RAP1A: variants seen among roughly 807,000 people sequenced by gnomAD.
RAP1A encodes RAP1A, member of RAS oncogene family.
A neutral mutation model predicts 26.4 loss-of-function variants in RAP1A; 6 were observed. The observed-to-expected ratio is 0.23, with a 90% CI of 0.12 to 0.45. The LOEUF (loss-of-function observed/expected upper bound fraction) is 0.45. Ranked by LOEUF, RAP1A falls within the 20% of genes least tolerant of loss-of-function variation. The pLI, the probability that RAP1A is intolerant of heterozygous loss-of-function variation, is 0.99. For missense variants in RAP1A, 121 were observed against 217.2 expected (o/e 0.56, Z 2.78); for synonymous variants, 73 against 79.4 (o/e 0.92, Z 0.43).
At chr1:111,706,900 A>G (rs144502310) in intron 6 of RAP1A, 6,076 of 225,718 alleles carry the variant, frequency 0.027, 93 homozygotes, top group South Asian at 0.07. Context: ...ACTACTTGTA[A>G]TTTTTATTAA....
intron 1 of RAP1A, among the ~76,000 whole-genome samples, chr1:111,571,646 T>C (rs928363226): frequency 1.3e-5 from 2 of 152,220 alleles, no homozygotes; most frequent in Non-Finnish European, 2.9e-5. Context: ...ATTAAACATG[T>C]ATCAGTTAAT....
intron 6 of RAP1A, among the ~76,000 whole-genome samples, chr1:111,707,717 CATT>C (rs1413721461): frequency 5.3e-5 from 8 of 152,128 alleles, no homozygotes; most frequent in Non-Finnish European, 1.2e-4. Flanking sequence ...TATTCCAAAT[CATT>C]AGTAAGTGTT....
chr1:111,686,378 CCTTA>C (rs1372189790), intron 1 of RAP1A, among the ~76,000 whole-genome samples: 4 of 152,200 alleles, frequency 2.6e-5, no homozygotes, highest in South Asian at 2.1e-4. Context: ...GCGTCTTGAG[CCTTA>C]CTTAATGGCC....
intron 1 of RAP1A, among the ~76,000 whole-genome samples, chr1:111,609,186 C>G (rs515150): frequency 0.88 from 133,788 of 152,164 alleles, 59,158 homozygotes; most frequent in African/African-American, 0.97. Flanking sequence ...TGTCTGTCAA[C>G]GATGCACATG....
intron 1 of RAP1A, among the ~76,000 whole-genome samples, chr1:111,550,699 T>C (rs1557845931): frequency 6.6e-6 from 1 of 152,240 alleles, no homozygotes; most frequent in East Asian, 1.9e-4. Flanking sequence ...TCTCACTATG[T>C]TGCCCAGCAG....
intron 1 of RAP1A, among the ~76,000 whole-genome samples, chr1:111,610,552 A>G (rs901407879): frequency 6.7e-6 from 1 of 150,088 alleles, no homozygotes; most frequent in Non-Finnish European, 1.5e-5. Context: ...ACACACACAC[A>G]CACACACACA....
chr1:111,620,664 C>T (rs1463329520), intron 1 of RAP1A, among the ~76,000 whole-genome samples: 2 of 152,200 alleles, frequency 1.3e-5, no homozygotes, highest in East Asian at 1.9e-4. Flanking sequence ...TCATGTCTTC[C>T]GTAGCTTACC....
intron 6 of RAP1A, 23 bp from the exon 7 acceptor site, chr1:111,709,126 C>CT (rs1397799615): frequency 1.9e-6 from 3 of 1,599,750 alleles, no homozygotes; most frequent in East Asian, 2.2e-5. Context: ...GGAGTAAGTA[C>CT]TTTTTTTCTT....
chr1:111,639,152 T>C (rs1659815705), intron 1 of RAP1A, among the ~76,000 whole-genome samples: 2 of 152,192 alleles, frequency 1.3e-5, no homozygotes, highest in Non-Finnish European at 2.9e-5. Flanking sequence ...TTTTTTACAT[T>C]TCTGGTAATG....
At chr1:111,552,755 C>T (rs533261163) in intron 1 of RAP1A, among the ~76,000 whole-genome samples, 1 of 152,252 alleles carries the variant, frequency 6.6e-6, no homozygotes, top group Admixed American at 6.5e-5. Flanking sequence ...ACATGCATGA[C>T]CTGGAGCAAG....
At chr1:111,623,652 G>T (rs182824387) in intron 1 of RAP1A, among the ~76,000 whole-genome samples, 4 of 152,046 alleles carry the variant, frequency 2.6e-5, no homozygotes, top group Non-Finnish European at 5.9e-5. Flanking sequence ...CTCATGATCC[G>T]CCCGCCTCAG....
At chr1:111,661,936 T>C (rs560095443) in intron 1 of RAP1A, among the ~76,000 whole-genome samples, 50 of 148,666 alleles carry the variant, frequency 3.4e-4, no homozygotes, top group Non-Finnish European at 2.1e-4. Context: ...GTTATGTATC[T>C]TTTTTTGTGT....
chr1:111,648,174 AGTGTGTGTGTGTGT>A (rs143658994), intron 1 of RAP1A: 11 of 230,942 alleles, frequency 4.8e-5, no homozygotes, highest in East Asian at 3.4e-4. Context: ...AGGTTCAAAC[AGTGTGTGTGTGTGT>A]GTGTGTGTGT....
chr1:111,690,459 T>C (rs187704064), intron 1 of RAP1A, among the ~76,000 whole-genome samples: 2 of 152,390 alleles, frequency 1.3e-5, no homozygotes, highest in East Asian at 3.9e-4. Flanking sequence ...CAAGCTCTGC[T>C]TGAGTTCTTT....
intron 1 of RAP1A, among the ~76,000 whole-genome samples, chr1:111,574,402 C>G (rs544612737): frequency 6.6e-6 from 1 of 152,326 alleles, no homozygotes; most frequent in East Asian, 1.9e-4. Context: ...ATGCCTCCAG[C>G]TTCATCCTTT....
chr1:111,577,356 C>T (rs374440793), intron 1 of RAP1A, among the ~76,000 whole-genome samples: 262 of 134,650 alleles, frequency 1.9e-3, no homozygotes, highest in Non-Finnish European at 3.3e-3. Context: ...GAGCCGAGAT[C>T]GCACCACTGC....
rs542594285 is a variant in RAP1A, at chr1:111,675,403, C to T, written c.-27-15931C>T. ...AGGAAAATGGTGTGAACCCAGGAGG[C>T]GGAGTTTGCAGTGAGCCGAGATCGC... On this transcript the variant is annotated intron_variant, in intron 1 of 7. Coordinates refer to ENST00000369709, the MANE Select transcript of RAP1A (RefSeq NM_002884.4). Among the ~76,000 whole-genome samples the T allele has an allele frequency of 1.2e-4, 19 of 152,066 alleles. No homozygotes were observed. The South Asian group carries it at 3.7e-3, about 30-fold the overall frequency.
chr1:111,622,553 C>G (rs909200248), intron 1 of RAP1A, among the ~76,000 whole-genome samples: 2 of 152,196 alleles, frequency 1.3e-5, no homozygotes, highest in African/African-American at 4.8e-5. Flanking sequence ...TTTCTATCCT[C>G]TCACCCTACC....
intron 1 of RAP1A, among the ~76,000 whole-genome samples, chr1:111,547,233 C>A (rs966836986): frequency 4.0e-5 from 6 of 151,888 alleles, no homozygotes; most frequent in Non-Finnish European, 8.8e-5. Context: ...GTGGGTTTTT[C>A]AAAGATGACC....
Sources: gnomAD v4.1 joint callset for allele counts (sites outside exome capture counted in the v4.1 genomes callset) on GRCh38, gnomAD v4.1.1 for gene constraint, MANE v1.5 for transcripts, NCBI Gene and HGNC (gene_info 2026-07-23, HGNC 2026-07-21) for gene names.